The following DDX18 variants were observed in gnomAD, a reference collection of about 807,000 sequenced individuals.
DDX18 encodes the protein ATP-dependent RNA helicase DDX18.
A neutral mutation model predicts 73.5 loss-of-function variants in DDX18; 23 were observed. That is an observed-to-expected ratio of 0.31 (90% CI 0.23 to 0.44). DDX18 has a LOEUF of 0.44. Among genes scored for constraint, DDX18 ranks in the 20% least tolerant of loss-of-function variants. The pLI, the probability that DDX18 is intolerant of heterozygous loss-of-function variation, is 1.00. For missense variants in DDX18, 753 were observed against 792.9 expected (o/e 0.95, Z 0.60); for synonymous variants, 268 against 282.7 (o/e 0.95, Z 0.52).
At position 117,821,647 on chromosome 2, in the gene DDX18, T is replaced by C; in HGVS notation, c.651-3T>C. 2 of 1,613,782 alleles carry C rather than the reference T, an allele frequency of 1.2e-6. No individual in the cohort carries two copies. The highest frequency in any genetic ancestry group is 1.7e-6 in the Non-Finnish European group (2 of 1,179,762). ...CTTTCTCCTTTCCCTTTTTAATATTTAGGGATCTTCTAGCAGCTGCAAAAA... is the reference window on the plus strand; with the variant it reads ...CTTTCTCCTTTCCCTTTTTAATATTCAGGGATCTTCTAGCAGCTGCAAAAA... On this transcript the variant is annotated splice_region_variant and splice_polypyrimidine_tract_variant and intron_variant, in intron 4 of 13. Transcript: ENST00000263239.
chr2:117,828,340 C>G (rs956338448), intron 11 of DDX18: 1 of 152,116 alleles, frequency 6.6e-6, no homozygotes, highest in Non-Finnish European at 1.5e-5. Flanking sequence ...TGCAATCTAC[C>G]TATCTGACAA....
At chr2:117,824,812 A>C (rs1195054874) in intron 8 of DDX18, 104 bp downstream of exon 8, 1 of 1,469,284 alleles carries the variant, frequency 6.8e-7, no homozygotes, top group African/African-American at 1.4e-5. Flanking sequence ...GAACTTTTAA[A>C]ATGCTGTAGG....
In DDX18 at chr2:117,825,469, GT is replaced by G. The variant is rs1443437065; in HGVS notation, c.1392del (p.Thr465GlnfsTer25). ...TAGGGAAAGCAAAAGCAAAATAAGC[GT>G]ACAACCACATTCTTCCAGTTCTGCA... is the stretch of plus-strand genomic sequence containing the variant. ...AIHGKQKQNK[R>X]TTTFFQFCNA... On this transcript the variant is annotated frameshift_variant, in exon 10 of 14. Coordinates refer to ENST00000263239, the MANE Select transcript of DDX18 (RefSeq NM_006773.4). LOFTEE classifies it high-confidence loss of function. The G allele has an allele frequency of 6.2e-7, 1 of 1,613,380 alleles. No individual in the cohort carries two copies. Among genetic ancestry groups the G allele is most frequent in the African/African-American group, 1.3e-5 (1 of 74,906 alleles).
chr2:117,824,870 A>C, intron 8 of DDX18, 70 bp from the exon 9 acceptor site: 1 of 1,527,060 alleles, frequency 6.5e-7, no homozygotes, highest in Non-Finnish European at 8.8e-7. Context: ...TCTTGATGAA[A>C]TTACACAAGT....
At chr2:117,825,278 G>A (rs181230669) in intron 9 of DDX18, among the ~76,000 whole-genome samples, 169 bp from the exon 10 acceptor site, 10 of 152,224 alleles carry the variant, frequency 6.6e-5, no homozygotes, top group East Asian at 3.9e-4. Flanking sequence ...GAGGACTTTC[G>A]AAGAGTGCAA....
chr2:117,818,426 C>T (rs994999363), intron 2 of DDX18, among the ~76,000 whole-genome samples: 1 of 152,170 alleles, frequency 6.6e-6, no homozygotes, highest in Non-Finnish European at 1.5e-5. Context: ...GAAAGTTTGC[C>T]AGCCCCTGAG....
Position 117,817,945 on chromosome 2 carries a change from C to T in DDX18, c.370+217C>T, listed in dbSNP as rs80179025. Among the ~76,000 whole-genome samples the T allele has an allele frequency of 5.3e-3, 803 of 152,278 alleles. 30 individuals are homozygous for T. In the East Asian group the frequency reaches 0.093, roughly 18 times the overall value. The stretch of plus-strand genomic sequence containing the variant: ...ATATTGAGGAATATATTTTTAATTT[C>T]ACTAACCTTGAAGAAAACCTCTCTC... On this transcript the variant is annotated intron_variant, in intron 2 of 13. Coordinates refer to ENST00000263239, the MANE Select transcript of DDX18 (RefSeq NM_006773.4).
At chr2:117,825,668 C>T in intron 10 of DDX18, 69 bp downstream of exon 10, 2 of 1,543,072 alleles carry the variant, frequency 1.3e-6, no homozygotes, top group Non-Finnish European at 1.8e-6. Context: ...TCCCAGTTCC[C>T]TGACGGAAAC....
In DDX18 at chr2:117,825,536, G is replaced by A. The variant is rs779379901; in HGVS notation, c.1458G>A (p.Ala486=). 12 of 1,614,038 alleles carry A rather than the reference G, an allele frequency of 7.4e-6. No homozygotes were observed. Among genetic ancestry groups the A allele is most frequent in the Non-Finnish European group, 4.2e-6 (5 of 1,180,024 alleles). The change falls in exon 10 of 14, where the codon GCG becomes GCA. Residue 486 remains alanine (A), a synonymous_variant. Transcript: ENST00000263239. Reference sequence around the variant, plus strand: ...CACTATTGTGTACGGATGTGGCAGCGAGAGGACTAGACATTCCTGAAGTCG... The same window carrying A: ...CACTATTGTGTACGGATGTGGCAGCAAGAGGACTAGACATTCCTGAAGTCG... The part of the protein sequence containing the change: ...SGTLLCTDVA[A]RGLDIPEVDW...
intron 13 of DDX18, 98 bp from the exon 14 acceptor site, chr2:117,830,484 G>A: frequency 7.3e-7 from 1 of 1,362,840 alleles, no homozygotes. Flanking sequence ...TGGGGTTGTG[G>A]AGGAACAGTA....
intron 11 of DDX18, 54 bp from the exon 12 acceptor site, chr2:117,828,895 G>A: frequency 1.6e-6 from 2 of 1,262,280 alleles, no homozygotes; most frequent in Non-Finnish European, 2.3e-6. Context: ...TCAGTACCCA[G>A]TATCGGAATG....
rs568137353 is a variant in DDX18, at chr2:117,832,130, C to T, written c.*1406C>T. ...TCCTGGTGTTTAATAATTCTCTCCA[C>T]GATCATGTTTTTCTGATTTTTTTTT... On this transcript the variant is annotated 3_prime_UTR_variant, in exon 14 of 14. Transcript: ENST00000263239. 4 of 152,012 alleles carry T rather than the reference C, an allele frequency of 2.6e-5. No homozygotes were observed. The highest frequency in any genetic ancestry group is 4.4e-5 in the Non-Finnish European group (3 of 67,992). 9.4% of individuals were successfully genotyped at this position (152,012 alleles called of 1,614,324 possible).
At chr2:117,825,711 A>G (rs1679914979) in intron 10 of DDX18, 112 bp downstream of exon 10, 5 of 1,260,442 alleles carry the variant, frequency 4.0e-6, no homozygotes, top group South Asian at 1.5e-5. Context: ...GATCCCTACT[A>G]TACAGTGACT....
chr2:117,829,632 G>A (rs932691134), intron 13 of DDX18, among the ~76,000 whole-genome samples, 166 bp downstream of exon 13: 1 of 152,218 alleles, frequency 6.6e-6, no homozygotes, highest in African/African-American at 2.4e-5. Context: ...GGACATAGAG[G>A]TTGGATGGGG....
intron 11 of DDX18, chr2:117,827,423 G>T (rs890877518): frequency 3.3e-5 from 5 of 151,948 alleles, no homozygotes; most frequent in African/African-American, 1.2e-4. Context: ...GTGCCATGTT[G>T]GTGTGCTGCA....
chr2:117,819,777 C>A lies in DDX18; in HGVS notation c.499C>A (p.Pro167Thr). The A allele has an allele frequency of 6.3e-7, 1 of 1,584,108 alleles. No homozygotes were observed. The highest frequency in any genetic ancestry group is 8.5e-7 in the Non-Finnish European group (1 of 1,170,128). ...DEDESEVPSL[P>T]LGLTGAFEDT... ...AGATGAGAGTGAGGTGCCCAGTCTG[C>A]CCCTGGGACTGACAGGTAACGTCCA... Residue 167 changes from proline to threonine, a missense_variant, in exon 3 of 14, where the codon CCC (proline) becomes ACC (threonine). Around this residue, in one of 3 missense-constraint regions of DDX18, gnomAD observed 345 missense variants for 352.0 expected, o/e 0.98. Transcript: ENST00000263239.
At chr2:117,825,698 A>G in intron 10 of DDX18, 99 bp downstream of exon 10, 3 of 1,428,460 alleles carry the variant, frequency 2.1e-6, no homozygotes, top group Non-Finnish European at 2.9e-6. Context: ...CATTCAAGGT[A>G]AAGATCCCTA....
At chr2:117,820,358 G>T (rs1209863763) in intron 3 of DDX18, among the ~76,000 whole-genome samples, 6 of 152,168 alleles carry the variant, frequency 3.9e-5, no homozygotes, top group African/African-American at 1.4e-4. Context: ...TTCCTGGTTT[G>T]CCCAGAACTT....
At chr2:117,817,088 C>T (rs1679771455) in intron 1 of DDX18, among the ~76,000 whole-genome samples, 1 of 152,156 alleles carries the variant, frequency 6.6e-6, no homozygotes, top group South Asian at 2.1e-4. Flanking sequence ...ATCAGTTAAT[C>T]ATATGTTTAT....
Sources: gnomAD v4.1 joint callset for allele counts (sites outside exome capture counted in the v4.1 genomes callset) on GRCh38, gnomAD v4.1.1 for gene constraint, gnomAD v4.1.1 regional missense constraint, MANE v1.5 for transcripts, NCBI Gene and HGNC (gene_info 2026-07-23, HGNC 2026-07-21) for gene names.